Variants in PCDHAC1 observed in about 807,000 individuals in gnomAD.
PCDHAC1 encodes protocadherin alpha subfamily C, 1, also known as protocadherin alpha-C1.
Under a neutral mutation model 60.0 loss-of-function variants are expected in PCDHAC1, and 42 were observed. The observed-to-expected ratio is 0.70, with a 90% CI of 0.55 to 0.90. The LOEUF (loss-of-function observed/expected upper bound fraction) is 0.90, where lower values mean the gene tolerates loss of function less well. Ranked by LOEUF, PCDHAC1 falls within the 40% of genes least tolerant of loss-of-function variation. PCDHAC1 has a pLI of 0.00. For synonymous variants in PCDHAC1, 468 were observed against 499.3 expected (o/e 0.94, Z 0.84); for missense variants, 1,160 against 1,222.3 (o/e 0.95, Z 0.76).
At position 140,927,445 on chromosome 5, in the gene PCDHAC1, T is replaced by C. The variant is rs2084204838; in HGVS notation, c.553T>C (p.Leu185=). 6.2e-7 allele frequency: 1 copy of C among 1,613,580 alleles called. No homozygotes were observed. Among genetic ancestry groups the C allele is most frequent in the Non-Finnish European group, 8.5e-7 (1 of 1,179,914 alleles). ...GGTTGACGGCAGCGAATACCCGGAG[T>C]TGGTGTTGGAGAAAGCACTGGATCG... is the stretch of plus-strand genomic sequence containing the variant. ...SRVDGSEYPE[L]VLEKALDREQ... is the part of the protein sequence containing the mutation. Residue 185 remains leucine, a synonymous_variant, in exon 1 of 4, where the codon TTG becomes CTG. Transcript: ENST00000253807.
At chr5:140,991,640 T>C (rs1315335320) in intron 3 of PCDHAC1, among the ~76,000 whole-genome samples, 1 of 152,194 alleles carries the variant, frequency 6.6e-6, no homozygotes, top group Non-Finnish European at 1.5e-5. Flanking sequence ...AACAATCTGT[T>C]CATGACAATT....
Position 140,927,374 on chromosome 5 carries a change from ACAGCCTAAGCCCCAGT to A in PCDHAC1, c.487_502del (p.Leu163ThrfsTer105). The A allele has an allele frequency of 6.2e-7, 1 of 1,614,100 alleles. No individual in the cohort carries two copies. Among genetic ancestry groups the A allele is most frequent in the Non-Finnish European group, 8.5e-7 (1 of 1,179,930 alleles). On this transcript the variant is annotated frameshift_variant, in exon 1 of 4. Coordinates refer to ENST00000253807, the MANE Select transcript of PCDHAC1 (RefSeq NM_018898.5). LOFTEE classifies it high-confidence loss of function. Reference sequence around the variant, plus strand: ...GAGGGAAGCAATGGGATACTAAGCTACAGCCTAAGCCCCAGTCAGCACTTTCGCCTGGACATGGGAT... The same window carrying A: ...GAGGGAAGCAATGGGATACTAAGCTACAGCACTTTCGCCTGGACATGGGAT...
intron 3 of PCDHAC1, among the ~76,000 whole-genome samples, chr5:140,982,945 G>A (rs2097017253): frequency 6.6e-6 from 1 of 151,722 alleles, no homozygotes; most frequent in Non-Finnish European, 1.5e-5. Flanking sequence ...TTTGGTTGAA[G>A]ACTATGGAAA....
chr5:140,986,401 C>T (rs782437347), intron 3 of PCDHAC1, among the ~76,000 whole-genome samples: 1 of 152,172 alleles, frequency 6.6e-6, no homozygotes. Context: ...GCCAGTCGCT[C>T]ATGTTACAGC....
In PCDHAC1 at chr5:141,011,633, G is replaced by A. The variant is rs988824031; in HGVS notation, c.*1696G>A. ...TTATGGTCCAGCCAAGAGCCATCTC[G>A]TGCCAAGACTTCTGCTGGCAAGGGA... is the stretch of plus-strand genomic sequence containing the variant. On this transcript the variant is annotated 3_prime_UTR_variant, in exon 4 of 4. Transcript: ENST00000253807. The A allele has an allele frequency of 6.5e-6, 1 of 153,624 alleles. No homozygotes were observed. Among genetic ancestry groups the A allele is most frequent in the Non-Finnish European group, 1.5e-5 (1 of 68,022 alleles). The allele number at this position is 153,624 out of a possible 1,614,324, so 9.5% of individuals were successfully genotyped here. A position where few individuals can be genotyped will look rare whatever the true frequency, so the allele number is the denominator to read the frequency against.
chr5:140,963,438 CT>C (rs2095766112), intron 1 of PCDHAC1, among the ~76,000 whole-genome samples: 1 of 152,242 alleles, frequency 6.6e-6, no homozygotes, highest in Admixed American at 6.5e-5. Context: ...TAACTTCATA[CT>C]CTGTTGCTAA....
intron 3 of PCDHAC1, among the ~76,000 whole-genome samples, chr5:140,988,417 A>G (rs2097297098): frequency 6.6e-6 from 1 of 152,150 alleles, no homozygotes; most frequent in Non-Finnish European, 1.5e-5. Flanking sequence ...GCTTATGTAA[A>G]GAATTTGTTT....
chr5:141,003,151 C>T (rs1554258934), intron 3 of PCDHAC1, among the ~76,000 whole-genome samples: 2 of 152,224 alleles, frequency 1.3e-5, no homozygotes, highest in African/African-American at 2.4e-5. Flanking sequence ...AGACTCTGAC[C>T]TGATCAATCC....
intron 1 of PCDHAC1, among the ~76,000 whole-genome samples, chr5:140,953,840 G>C (rs1429646408): frequency 6.6e-6 from 1 of 152,072 alleles, no homozygotes; most frequent in African/African-American, 2.4e-5. Flanking sequence ...TTGTTACCCA[G>C]GTAAACATGT....
At chr5:140,959,712 T>G (rs166567) in intron 1 of PCDHAC1, among the ~76,000 whole-genome samples, 1 of 152,020 alleles carries the variant, frequency 6.6e-6, no homozygotes, top group African/African-American at 2.4e-5. Flanking sequence ...AAAGGGAAAA[T>G]TTTTAGATAA....
chr5:141,009,584 A>G, intron 3 of PCDHAC1, 43 bp from the exon 4 acceptor site: 1 of 1,592,004 alleles, frequency 6.3e-7, no homozygotes, highest in Non-Finnish European at 8.6e-7. Context: ...CATCAAGAGC[A>G]TGTGTTGACC....
At chr5:140,961,387 C>T (rs1249667395) in intron 1 of PCDHAC1, among the ~76,000 whole-genome samples, 1 of 152,148 alleles carries the variant, frequency 6.6e-6, no homozygotes, top group Admixed American at 6.5e-5. Flanking sequence ...TTGAACTATT[C>T]CATTAGTAAA....
At position 140,927,469 on chromosome 5, in the gene PCDHAC1, C is replaced by G. The variant is rs17844359; in HGVS notation, c.577C>G (p.Arg193Gly). ...PELVLEKALD[R>G]EQRATHLLVL... is the part of the protein sequence containing the mutation. ...GTTGGTGTTGGAGAAAGCACTGGATCGCGAACAGCGCGCCACCCACCTGCT... is the reference window on the plus strand; with the variant it reads ...GTTGGTGTTGGAGAAAGCACTGGATGGCGAACAGCGCGCCACCCACCTGCT... Residue 193 changes from arginine to glycine, a missense_variant, in exon 1 of 4, where the codon CGC (arginine) becomes GGC (glycine). Around this residue, in one of 3 missense-constraint regions of PCDHAC1, gnomAD observed 1,113 missense variants for 1,163.7 expected, o/e 0.96. Transcript: ENST00000253807. 39 of 1,613,964 alleles carry G rather than the reference C, an allele frequency of 2.4e-5. No individual in the cohort carries two copies. The highest frequency in any genetic ancestry group is 1.3e-4 in the South Asian group (12 of 91,094).
At chr5:140,982,713 A>G (rs2096998735) in intron 3 of PCDHAC1, 150 bp downstream of exon 3, 2 of 1,373,774 alleles carry the variant, frequency 1.5e-6, no homozygotes, top group African/African-American at 1.5e-5. Flanking sequence ...CCTTACATAT[A>G]TGATTATTTT....
At chr5:140,932,124 A>G (rs2088056676) in intron 1 of PCDHAC1, among the ~76,000 whole-genome samples, 1 of 151,956 alleles carries the variant, frequency 6.6e-6, no homozygotes, top group Admixed American at 6.5e-5. Flanking sequence ...GATAATATTT[A>G]AGATATAAAC....
Position 140,926,609 on chromosome 5 carries a change from G to T in PCDHAC1, c.-284G>T. 2.9e-6 allele frequency: 1 copy of T among 350,856 alleles called. No individual in the cohort carries two copies. Among genetic ancestry groups the T allele is most frequent in the Non-Finnish European group, 5.0e-6 (1 of 198,342 alleles). 21.7% of individuals were successfully genotyped at this position (350,856 alleles called of 1,614,324 possible). Reference sequence around the variant, plus strand: ...CGCCCGGGCGGGCGGCCTCGTCTCTGCACCCCTAGGCGGCGCTGCGCTCCT... The same window carrying T: ...CGCCCGGGCGGGCGGCCTCGTCTCTTCACCCCTAGGCGGCGCTGCGCTCCT... On this transcript the variant is annotated 5_prime_UTR_variant, in exon 1 of 4. Transcript: ENST00000253807.
At chr5:140,942,105 A>G (rs572263085) in intron 1 of PCDHAC1, among the ~76,000 whole-genome samples, 2 of 152,344 alleles carry the variant, frequency 1.3e-5, no homozygotes, top group South Asian at 2.1e-4. Context: ...CATTCATATA[A>G]TCAAACTTTA....
chr5:140,993,177 C>A lies in PCDHAC1; in HGVS notation c.2581+10614C>A, dbSNP rs551395516. ...CTAAATATTTGCCTTTGGGAAATTTCTTTAGAGGGAAACTCACTAAAGCTA... is the reference window on the plus strand; with the variant it reads ...CTAAATATTTGCCTTTGGGAAATTTATTTAGAGGGAAACTCACTAAAGCTA... On this transcript the variant is annotated intron_variant, in intron 3 of 3. Transcript: ENST00000253807. 6.6e-5 allele frequency among the ~76,000 whole-genome samples: 10 copies of A among 152,258 alleles called. No homozygotes were observed. In the East Asian group the frequency reaches 1.9e-3, roughly 29 times the overall value.
intron 3 of PCDHAC1, among the ~76,000 whole-genome samples, chr5:141,000,387 CTCTCTCTCTATATA>C (rs1446529556): frequency 4.5e-4 from 30 of 66,870 alleles, no homozygotes; most frequent in African/African-American, 1.4e-3. Flanking sequence ...CTCTCTCTCT[CTCTCTCTCTATATA>C]TATATATATA....
Sources: gnomAD v4.1 joint callset for allele counts (sites outside exome capture counted in the v4.1 genomes callset) on GRCh38, gnomAD v4.1.1 for gene constraint, gnomAD v4.1.1 regional missense constraint, MANE v1.5 for transcripts, NCBI Gene and HGNC (gene_info 2026-07-23, HGNC 2026-07-21) for gene names.